Variants in ZNF331 observed in about 807,000 individuals in gnomAD.
ZNF331 encodes the protein zinc finger protein 331, also known as C2H2-like zinc finger protein rearranged in thyroid adenomas.
A neutral mutation model predicts 7.0 loss-of-function variants in ZNF331; 2 were observed. That is an observed-to-expected ratio of 0.29 (90% CI 0.12 to 0.90). The LOEUF is 0.90. ZNF331 is among the 40% of genes least tolerant of loss of function. The pLI is 0.58. For synonymous variants in ZNF331, 196 were observed against 205.4 expected (o/e 0.95, Z 0.39); for missense variants, 432 against 587.7 (o/e 0.74, Z 2.74).
In ZNF331 at chr19:53,577,939, T is replaced by G; in HGVS notation, c.1379T>G (p.Ile460Ser). ...AACCATCTCCGAGAACATCAGAGGA[T>G]CCACAACAGTTGAAGAGCCTTTTGA... is the stretch of plus-strand genomic sequence containing the variant. The part of the protein sequence containing the change: ...HLNHLREHQR[I>S]HNS The change falls in exon 6 of 6, where the codon ATC becomes AGC. Residue 460 changes from isoleucine to serine, a missense_variant. Ile to Ser is a moderately radical substitution (Grantham distance 142). Transcript: ENST00000449416. The G allele has an allele frequency of 6.2e-7, 1 of 1,611,092 alleles. No homozygotes were observed. The highest frequency in any genetic ancestry group is 8.5e-7 in the Non-Finnish European group (1 of 1,178,020).
chr19:53,550,191 G>T (rs182602223), intron 2 of ZNF331, among the ~76,000 whole-genome samples: 329 of 152,300 alleles, frequency 2.2e-3, no homozygotes, highest in African/African-American at 7.7e-3. Flanking sequence ...TACTTGAGAA[G>T]AATGTACATG....
In ZNF331 at chr19:53,568,175, G is replaced by A. The variant is rs180740456; in HGVS notation, c.-73-1129G>A. On this transcript the variant is annotated intron_variant, in intron 3 of 5. Coordinates refer to ENST00000449416, the MANE Select transcript of ZNF331 (RefSeq NM_001079906.2). Reference sequence around the variant, plus strand: ...GAGGAGAATCGCTTGAACCCGGGAGGCAGAGGTTGTGGTAGGCCGAGATCG... The same window carrying A: ...GAGGAGAATCGCTTGAACCCGGGAGACAGAGGTTGTGGTAGGCCGAGATCG... 3.3e-5 allele frequency among the ~76,000 whole-genome samples: 5 copies of A among 151,906 alleles called. No individual in the cohort carries two copies. In the East Asian group the frequency reaches 9.7e-4, roughly 30 times the overall value.
At chr19:53,557,318 G>A (rs1019821660) in intron 3 of ZNF331, among the ~76,000 whole-genome samples, 1 of 152,126 alleles carries the variant, frequency 6.6e-6, no homozygotes, top group Non-Finnish European at 1.5e-5. Flanking sequence ...GGGTGCCAGT[G>A]CAAGCAGCTT....
At chr19:53,546,682 G>C (rs1245118911) in intron 2 of ZNF331, among the ~76,000 whole-genome samples, 2 of 152,128 alleles carry the variant, frequency 1.3e-5, no homozygotes, top group Non-Finnish European at 2.9e-5. Flanking sequence ...CTGATTTTTA[G>C]AGCACAAGAA....
At position 53,578,766 on chromosome 19, in the gene ZNF331, T is replaced by G. The variant is rs568993803; in HGVS notation, c.*814T>G. On this transcript the variant is annotated 3_prime_UTR_variant, in exon 6 of 6. Coordinates refer to ENST00000449416, the MANE Select transcript of ZNF331 (RefSeq NM_001079906.2). ...AACAGGAGGAAAATTCCTGGTACAG[T>G]TTAACGTAAGGCTTCACTGATCACT... 1.9e-5 allele frequency: 4 copies of G among 206,272 alleles called. No homozygotes were observed. The South Asian group carries it at 7.6e-4, about 39-fold the overall frequency. 12.8% of individuals were successfully genotyped at this position (206,272 alleles called of 1,614,324 possible).
intron 2 of ZNF331, among the ~76,000 whole-genome samples, chr19:53,545,999 C>T (rs561894551): frequency 3.9e-5 from 6 of 152,092 alleles, no homozygotes; most frequent in East Asian, 1.9e-4. Context: ...CCTCTCCATT[C>T]GGATTGGTTT....
At position 53,558,051 on chromosome 19, in the gene ZNF331, A is replaced by C. The variant is rs1421924390; in HGVS notation, c.-74+2143A>C. Among the ~76,000 whole-genome samples, 1 of 152,106 alleles carries C rather than the reference A, an allele frequency of 6.6e-6. No homozygotes were observed. Among genetic ancestry groups the C allele is most frequent in the African/African-American group, 2.4e-5 (1 of 41,408 alleles). On this transcript the variant is annotated intron_variant, in intron 3 of 5. Transcript: ENST00000449416. This position sits in a 1 kb window ranked among gnomAD's most constrained non-coding sequence, Gnocchi z 4.5. ...CCGGATGTCCTGCAGTTCAGTTCTG[A>C]CACCATCTACCTGGAGATGGCATCA...
At chr19:53,555,760 C>CT (rs1233988517) in intron 2 of ZNF331, 85 bp from the exon 3 acceptor site, 2 of 152,146 alleles carry the variant, frequency 1.3e-5, no homozygotes, top group African/African-American at 2.4e-5. Context: ...AGGAATCTCC[C>CT]AGAAACTCCA....
the ZNF331 span, among the ~76,000 whole-genome samples, chr19:53,507,897 G>C: frequency 1.1e-3 from 171 of 152,256 alleles, 2 homozygotes; most frequent in Admixed American, 2.7e-3. Flanking sequence ...CTACTTCGGA[G>C]ACTGAGGTGG....
rs2090871930 is a variant in ZNF331 at position 53,580,179 on chromosome 19, A to T, written c.*2227A>T. 1.5e-5 allele frequency: 3 copies of T among 198,132 alleles called. No individual in the cohort carries two copies. The Admixed American group carries it at 1.8e-4, about 12-fold the overall frequency. 12.3% of individuals were successfully genotyped at this position (198,132 alleles called of 1,614,324 possible). ...GCTTGATTTAATCCTTCCACATTGT[A>T]TACATGTATCAGAACATCACATTGT... On this transcript the variant is annotated 3_prime_UTR_variant, in exon 6 of 6. Transcript: ENST00000449416.
In ZNF331 at chr19:53,558,028, G is replaced by A. The variant is rs754432923; in HGVS notation, c.-74+2120G>A. Among the ~76,000 whole-genome samples, 53 of 152,078 alleles carry A rather than the reference G, an allele frequency of 3.5e-4. No homozygotes were observed. The highest frequency in any genetic ancestry group is 1.2e-3 in the African/African-American group (48 of 41,414). On this transcript the variant is annotated intron_variant, in intron 3 of 5. Coordinates refer to ENST00000449416, the MANE Select transcript of ZNF331 (RefSeq NM_001079906.2). This position sits in a 1 kb window ranked among gnomAD's most constrained non-coding sequence, Gnocchi z 4.5. ...AAGCAAGCTGTAGTGGACATCAGCC[G>A]GATGTCCTGCAGTTCAGTTCTGACA...
rs1464211064 is a variant in ZNF331, at chr19:53,558,050, G to A, written c.-74+2142G>A. ...GCCGGATGTCCTGCAGTTCAGTTCT[G>A]ACACCATCTACCTGGAGATGGCATC... On this transcript the variant is annotated intron_variant, in intron 3 of 5. Coordinates refer to ENST00000449416, the MANE Select transcript of ZNF331 (RefSeq NM_001079906.2). The surrounding 1 kb of genome is among the most constrained non-coding windows in gnomAD (Gnocchi z 4.5). Among the ~76,000 whole-genome samples, 1 of 152,130 alleles carries A rather than the reference G, an allele frequency of 6.6e-6. No individual in the cohort carries two copies. Among genetic ancestry groups the A allele is most frequent in the African/African-American group, 2.4e-5 (1 of 41,428 alleles).
In ZNF331 at chr19:53,558,390, G is replaced by A. The variant is rs751306128; in HGVS notation, c.-74+2482G>A. Among the ~76,000 whole-genome samples, 2 of 152,080 alleles carry A rather than the reference G, an allele frequency of 1.3e-5. No individual in the cohort carries two copies. The highest frequency in any genetic ancestry group is 6.6e-5 in the Admixed American group (1 of 15,264). On this transcript the variant is annotated intron_variant, in intron 3 of 5. Coordinates refer to ENST00000449416, the MANE Select transcript of ZNF331 (RefSeq NM_001079906.2). This position sits in a 1 kb window ranked among gnomAD's most constrained non-coding sequence, Gnocchi z 4.5. ...TTCAGAGTTCTTTTGTACCTTCCTA[G>A]CAGCCACCTCCTGTTCAGCTGTCCA...
intron 2 of ZNF331, among the ~76,000 whole-genome samples, chr19:53,530,566 G>A (rs371666456): frequency 2.0e-5 from 3 of 152,184 alleles, no homozygotes; most frequent in Admixed American, 6.5e-5. Flanking sequence ...AGGGTAAGGC[G>A]AATTAATGCT....
the ZNF331 span, among the ~76,000 whole-genome samples, chr19:53,507,626 A>G: frequency 6.3e-4 from 96 of 152,264 alleles, no homozygotes; most frequent in African/African-American, 2.1e-3. Context: ...TAGATTCCTC[A>G]CGGTGGCCAC....
upstream of ZNF331, among the ~76,000 whole-genome samples, chr19:53,534,512 C>G (rs1163511993): frequency 6.6e-6 from 1 of 152,126 alleles, no homozygotes; most frequent in African/African-American, 2.4e-5. Flanking sequence ...GTCTCGAACT[C>G]TTGACCTCAA....
chr19:53,568,073 AC>A (rs1472490945), intron 3 of ZNF331, among the ~76,000 whole-genome samples: 1 of 151,876 alleles, frequency 6.6e-6, no homozygotes, highest in East Asian at 1.9e-4. Flanking sequence ...ACATGGTGAA[AC>A]CCCATCTCTA....
chr19:53,547,285 T>A (rs1256421763), intron 2 of ZNF331, among the ~76,000 whole-genome samples: 1 of 152,206 alleles, frequency 6.6e-6, no homozygotes, highest in African/African-American at 2.4e-5. Context: ...AATGACATCA[T>A]GCAGGATTTG....
chr19:53,519,550 C>T (rs551533594), upstream of ZNF331, among the ~76,000 whole-genome samples: 5 of 152,288 alleles, frequency 3.3e-5, no homozygotes, highest in Non-Finnish European at 5.9e-5. Context: ...GATGAGATCC[C>T]ACCGGAAAAA....
Sources: gnomAD v4.1 joint callset for allele counts (sites outside exome capture counted in the v4.1 genomes callset) on GRCh38, gnomAD v4.1.1 for gene constraint, Gnocchi (gnomAD v3.1) non-coding constraint, MANE v1.5 for transcripts, NCBI Gene and HGNC (gene_info 2026-07-23, HGNC 2026-07-21) for gene names.